The following CCDC27 variants were observed in gnomAD, a reference collection of about 807,000 sequenced individuals.
The protein encoded by CCDC27 is coiled-coil domain-containing protein 27.
In CCDC27, 80 loss-of-function variants were observed where a neutral mutation model predicts 80.3. The observed-to-expected ratio is 1.00, with a 90% CI of 0.83 to 1.20. The LOEUF (loss-of-function observed/expected upper bound fraction) is 1.20, where lower values mean the gene tolerates loss of function less well. Among genes scored for constraint, CCDC27 ranks in the 50% most tolerant of loss-of-function variants. CCDC27 has a pLI of 0.00. For missense variants in CCDC27, 815 were observed against 809.4 expected, an observed-to-expected ratio of 1.01 and a Z score of -0.08; for synonymous variants, 342 against 334.3, an observed-to-expected ratio of 1.02 and a Z score of -0.25.
At position 3,769,482 on chromosome 1, in the gene CCDC27, A is replaced by AAT. The variant is rs767979799; in HGVS notation, c.1744-290_1744-289dup. Among the ~76,000 whole-genome samples, 9 of 152,092 alleles carry AAT rather than the reference A, an allele frequency of 5.9e-5. No individual in the cohort carries two copies. In the East Asian group the frequency reaches 7.7e-4, roughly 13 times the overall value. On this transcript the variant is annotated intron_variant, in intron 10 of 11. Coordinates refer to ENST00000294600, the MANE Select transcript of CCDC27 (RefSeq NM_152492.3). This position sits in a 1 kb window ranked among gnomAD's most constrained non-coding sequence, Gnocchi z 4.6. Reference sequence around the variant, plus strand: ...TACTATTTTGGTTTGTTGGTTTAAAAATATATATATATGTGTGTGTAGGTT... The same window carrying AAT: ...TACTATTTTGGTTTGTTGGTTTAAAAATATATATATATATGTGTGTGTAGGTT...
chr1:3,752,868 C>T, intron 1 of CCDC27, 69 bp downstream of exon 1: 1 of 1,492,292 alleles, frequency 6.7e-7, no homozygotes, highest in Non-Finnish European at 9.1e-7. Context: ...CCCCAAAGGC[C>T]CATAGAGCTG....
rs945385596 is a variant in CCDC27 at position 3,760,586 on chromosome 1, G to A, written c.712-695G>A. 2.0e-5 allele frequency among the ~76,000 whole-genome samples: 3 copies of A among 152,184 alleles called. No individual in the cohort carries two copies. The highest frequency in any genetic ancestry group is 2.9e-5 in the Non-Finnish European group (2 of 68,030). On this transcript the variant is annotated intron_variant, in intron 4 of 11. Coordinates refer to ENST00000294600, the MANE Select transcript of CCDC27 (RefSeq NM_152492.3). The surrounding 1 kb of genome is among the most constrained non-coding windows in gnomAD (Gnocchi z 4.3). ...CGGATGTTCATTATCAGTTTAAAAT[G>A]TTTCTAGCTTTCCTTGTGATTTCTT...
In CCDC27 at chr1:3,766,711, G is replaced by A; in HGVS notation, c.1530+99G>A. On this transcript the variant is annotated intron_variant, in intron 9 of 11. Coordinates refer to ENST00000294600, the MANE Select transcript of CCDC27 (RefSeq NM_152492.3). This position sits in a 1 kb window ranked among gnomAD's most constrained non-coding sequence, Gnocchi z 6.1. ...AAGACGGGGCTGGAGCGTCTTCACA[G>A]CTGAGCCAGGACCCCTTCGGTAGCA... 1.1e-6 allele frequency: 1 copy of A among 927,088 alleles called. No homozygotes were observed. Among genetic ancestry groups the A allele is most frequent in the Non-Finnish European group, 1.7e-6 (1 of 595,302 alleles). 57.4% of individuals were successfully genotyped at this position (927,088 alleles called of 1,614,324 possible). A position where few individuals can be genotyped will look rare whatever the true frequency, so the allele number is the denominator to read the frequency against.
intron 1 of CCDC27, among the ~76,000 whole-genome samples, chr1:3,753,161 G>A (rs1202283890): frequency 1.3e-5 from 2 of 152,136 alleles, no homozygotes; most frequent in Non-Finnish European, 2.9e-5. Context: ...TTGAAAAGGA[G>A]AGTGAAGGGG....
At position 3,769,845 on chromosome 1, in the gene CCDC27, G is replaced by A; in HGVS notation, c.1806G>A (p.Leu602=). The change falls in exon 11 of 12, where the codon TTG becomes TTA. Residue 602 remains leucine, a synonymous_variant. Coordinates refer to ENST00000294600, the MANE Select transcript of CCDC27 (RefSeq NM_152492.3). The surrounding 1 kb of genome is among the most constrained non-coding windows in gnomAD (Gnocchi z 4.6). ...ATFSISGTKS[L]ANEISDNDIL... is the part of the protein sequence containing the mutation. ...TTAGCATCTCCGGGACCAAGTCCTT[G>A]GCCAACGAGATCTCTGACAATGACA... 6.2e-7 allele frequency: 1 copy of A among 1,614,024 alleles called. No homozygotes were observed. The highest frequency in any genetic ancestry group is 1.1e-5 in the South Asian group (1 of 91,078).
At chr1:3,759,664 T>C (rs1420439019) in intron 4 of CCDC27, among the ~76,000 whole-genome samples, 3 of 152,232 alleles carry the variant, frequency 2.0e-5, no homozygotes, top group Non-Finnish European at 4.4e-5. Flanking sequence ...GGGGGTCATA[T>C]GACTGAATGG....
chr1:3,752,877 T>C, intron 1 of CCDC27, 78 bp downstream of exon 1: 1 of 1,461,290 alleles, frequency 6.8e-7, no homozygotes, highest in South Asian at 1.3e-5. Flanking sequence ...CCCATAGAGC[T>C]GTCAGCCCAC....
rs538935495 is a variant in CCDC27 at position 3,771,339 on chromosome 1, C to T, written c.1849-62C>T. 1.5e-5 allele frequency: 24 copies of T among 1,607,442 alleles called. No individual in the cohort carries two copies. In the East Asian group the frequency reaches 2.7e-4, roughly 18 times the overall value. ...GGCAGCTGGCACGGACTGTGCAGAC[C>T]GGCCTCAAGGCCAAGGTGAGGAACT... On this transcript the variant is annotated intron_variant, in intron 11 of 11. Transcript: ENST00000294600.
rs1194132347 is a variant in CCDC27, at chr1:3,766,611, A to G, written c.1529A>G (p.Gln510Arg). 5.6e-6 allele frequency: 9 copies of G among 1,612,680 alleles called. No homozygotes were observed. The highest frequency in any genetic ancestry group is 7.6e-6 in the Non-Finnish European group (9 of 1,178,974). The change falls in exon 9 of 12, where the codon CAG becomes CGG. Residue 510 changes from glutamine (Q) to arginine (R), a missense_variant and splice_region_variant. Gln to Arg is a conservative substitution (Grantham distance 43). Transcript: ENST00000294600. This position sits in a 1 kb window ranked among gnomAD's most constrained non-coding sequence, Gnocchi z 6.1. ...GAAAAGGACAACCAGCTCCTCCGACAGGTGACAGCCTGGGTGTCGTTAAAT... is the reference window on the plus strand; with the variant it reads ...GAAAAGGACAACCAGCTCCTCCGACGGGTGACAGCCTGGGTGTCGTTAAAT... ...LIEKDNQLLRQQVSELERKLT... is the reference protein window; with the variant it reads ...LIEKDNQLLRRQVSELERKLT...
intron 4 of CCDC27, 34 bp downstream of exon 4, chr1:3,756,924 C>A (rs555762958): frequency 1.1e-4 from 171 of 1,594,634 alleles, no homozygotes; most frequent in Non-Finnish European, 1.4e-4. Flanking sequence ...CCCGGCCCCC[C>A]ACCCCTCTCT....
intron 11 of CCDC27, among the ~76,000 whole-genome samples, chr1:3,770,533 G>A (rs1322746004): frequency 6.6e-6 from 1 of 152,250 alleles, no homozygotes; most frequent in Non-Finnish European, 1.5e-5. Context: ...AGAGCTCTGG[G>A]AGCCGGGCAC....
Position 3,767,241 on chromosome 1 carries a change from G to A in CCDC27, c.1539G>A (p.Ser513=), listed in dbSNP as rs111989783. 111 of 1,613,876 alleles carry A rather than the reference G, an allele frequency of 6.9e-5. 3 individuals are homozygous for A. Among genetic ancestry groups the A allele is most frequent in the African/African-American group, 2.5e-4 (19 of 75,044 alleles). ...KDNQLLRQQV[S]ELERKLTKRD... Reference sequence around the variant, plus strand: ...TCCCCGGCTGTCCCCAGCAAGTGTCGGAACTGGAGAGAAAGCTCACCAAGC... The same window carrying A: ...TCCCCGGCTGTCCCCAGCAAGTGTCAGAACTGGAGAGAAAGCTCACCAAGC... The change falls in exon 10 of 12, where the codon TCG becomes TCA. Residue 513 remains serine, a synonymous_variant. Transcript: ENST00000294600.
In CCDC27 at chr1:3,771,408, T is replaced by C; in HGVS notation, c.1856T>C (p.Ile619Thr). 6.2e-7 allele frequency: 1 copy of C among 1,614,008 alleles called. No individual in the cohort carries two copies. Among genetic ancestry groups the C allele is most frequent in the Non-Finnish European group, 8.5e-7 (1 of 1,179,946 alleles). ...GCTGTGTTTCTTGTGTAGAGAATTA[T>C]CTCAGAGAGAAGCGACTACTATAAT... ...NDILEALQRIISERSDYYNQL... is the reference protein window; with the variant it reads ...NDILEALQRITSERSDYYNQL... The change falls in exon 12 of 12, where the codon ATC becomes ACC. Residue 619 changes from isoleucine (I) to threonine (T), a missense_variant. Physicochemically the swap from Ile to Thr is moderately conservative, Grantham distance 89. Coordinates refer to ENST00000294600, the MANE Select transcript of CCDC27 (RefSeq NM_152492.3).
chr1:3,761,523 AC>A lies in CCDC27; in HGVS notation c.861+98del. The A allele has an allele frequency of 2.1e-6, 3 of 1,447,452 alleles. No homozygotes were observed. Among genetic ancestry groups the A allele is most frequent in the East Asian group, 2.4e-5 (1 of 42,380 alleles). The allele number at this position is 1,447,452 out of a possible 1,614,324, so 89.7% of individuals were successfully genotyped here. On this transcript the variant is annotated intron_variant, in intron 5 of 11. Coordinates refer to ENST00000294600, the MANE Select transcript of CCDC27 (RefSeq NM_152492.3). The surrounding 1 kb of genome is among the most constrained non-coding windows in gnomAD (Gnocchi z 5.0). ...CTAGTGACACACAGGCCCCTGGCAA[AC>A]CCCCAGGCCCCCTGGATCCTATCAG...
chr1:3,762,143 C>T (rs1300835866), intron 5 of CCDC27, among the ~76,000 whole-genome samples: 1 of 152,144 alleles, frequency 6.6e-6, no homozygotes, highest in Non-Finnish European at 1.5e-5. Context: ...ATGCTGGGGG[C>T]CAGAGATGAA....
intron 11 of CCDC27, among the ~76,000 whole-genome samples, chr1:3,770,125 C>T (rs536609470): frequency 1.1e-4 from 17 of 152,260 alleles, no homozygotes; most frequent in African/African-American, 3.6e-4. Context: ...AAACGGGGGA[C>T]GGGCATCAGA....
At chr1:3,767,484 G>A (rs976842338) in intron 10 of CCDC27, 39 bp downstream of exon 10, 1 of 1,554,592 alleles carries the variant, frequency 6.4e-7, no homozygotes, top group Non-Finnish European at 8.7e-7. Context: ...TGTCCCAGCA[G>A]CTGGCGGCCG....
rs533150910 is a variant in CCDC27 at position 3,769,813 on chromosome 1, G to A, written c.1774G>A (p.Ala592Thr). Residue 592 changes from alanine (A) to threonine (T), a missense_variant, in exon 11 of 12, where the codon GCC (alanine) becomes ACC (threonine). Transcript: ENST00000294600. The surrounding 1 kb of genome is among the most constrained non-coding windows in gnomAD (Gnocchi z 4.6). ...LERLRNKIIQ[A>T]TFSISGTKSL... The stretch of plus-strand genomic sequence containing the variant: ...GAGGTTAAGGAATAAGATCATCCAG[G>A]CCACCTTTAGCATCTCCGGGACCAA... 6 of 1,614,002 alleles carry A rather than the reference G, an allele frequency of 3.7e-6. No individual in the cohort carries two copies. In the East Asian group the frequency reaches 1.3e-4, roughly 36 times the overall value.
Position 3,755,521 on chromosome 1 carries a change from C to A in CCDC27, c.507C>A (p.Thr169=). The A allele has an allele frequency of 6.2e-7, 1 of 1,614,142 alleles. No individual in the cohort carries two copies. ...ACAGCTCGGAGACCTGGAGAGGCAC[C>A]CAGGACCTGTTCTTGGCCAGGCGGG... The part of the protein sequence containing the change: ...IDNSSETWRG[T]QDLFLARRGS... Residue 169 remains threonine (T), a synonymous_variant, in exon 3 of 12, where the codon ACC becomes ACA. Coordinates refer to ENST00000294600, the MANE Select transcript of CCDC27 (RefSeq NM_152492.3).
Sources: allele counts gnomAD v4.1 joint callset (sites outside exome capture counted in the v4.1 genomes callset), GRCh38; gene constraint gnomAD v4.1.1; non-coding constraint Gnocchi (gnomAD v3.1); transcripts MANE v1.5; gene names NCBI Gene and HGNC (gene_info 2026-07-23, HGNC 2026-07-21).